Variants in CEP350 observed in about 807,000 individuals in gnomAD.
The protein encoded by CEP350 is centrosome-associated protein 350.
Under a neutral mutation model 331.8 loss-of-function variants are expected in CEP350, and 126 were observed. The observed-to-expected ratio is 0.38, with a 90% confidence interval of 0.33 to 0.44. The LOEUF is 0.44. Ranked by LOEUF, CEP350 falls within the 20% of genes least tolerant of loss-of-function variation. CEP350 has a pLI of 1.00. For synonymous variants in CEP350, 1,200 were observed against 1,259.5 expected, an observed-to-expected ratio of 0.95 and a Z score of 1.00; for missense variants, 3,406 against 3,634.6, an observed-to-expected ratio of 0.94 and a Z score of 1.62.
chr1:180,052,828 TTTA>T (rs1657598724), intron 22 of CEP350, 139 bp from the exon 23 acceptor site: 2 of 421,188 alleles, frequency 4.7e-6, no homozygotes, highest in Non-Finnish European at 8.4e-6. Context: ...ATGAATTTTG[TTTA>T]TTATTTCATG....
chr1:180,004,992 T>G (rs1654162109), intron 7 of CEP350, among the ~76,000 whole-genome samples: 1 of 149,392 alleles, frequency 6.7e-6, no homozygotes, highest in African/African-American at 2.5e-5. Flanking sequence ...TTTTTTTTTC[T>G]TAACCTTCTC....
At chr1:180,056,475 C>T (rs1368906078) in intron 25 of CEP350, among the ~76,000 whole-genome samples, 4 of 115,772 alleles carry the variant, frequency 3.5e-5, no homozygotes, top group Non-Finnish European at 7.2e-5. Context: ...TCCCCCCCCC[C>T]CTTTTTTTTT....
At chr1:180,072,231 T>C (rs1402413541) in intron 27 of CEP350, among the ~76,000 whole-genome samples, 1 of 152,256 alleles carries the variant, frequency 6.6e-6, no homozygotes, top group Non-Finnish European at 1.5e-5. Flanking sequence ...TTCTATTAGT[T>C]ATTTCGTTCC....
intron 25 of CEP350, among the ~76,000 whole-genome samples, chr1:180,056,464 C>CG: frequency 1.4e-5 from 1 of 73,884 alleles, no homozygotes; most frequent in Non-Finnish European, 2.4e-5. Context: ...GCTTCTGCCC[C>CG]TCCCCCCCCC....
intron 11 of CEP350, among the ~76,000 whole-genome samples, chr1:180,018,464 C>A (rs1260982129): frequency 1.3e-5 from 2 of 152,036 alleles, no homozygotes; most frequent in African/African-American, 4.8e-5. Context: ...TTATAACTTC[C>A]CTTGTATTCC....
intron 28 of CEP350, among the ~76,000 whole-genome samples, chr1:180,076,574 A>C (rs1193195850): frequency 6.6e-6 from 1 of 152,198 alleles, no homozygotes; most frequent in Non-Finnish European, 1.5e-5. Flanking sequence ...GGATCACTTG[A>C]ACCCAGGAGT....
intron 37 of CEP350, among the ~76,000 whole-genome samples, chr1:180,108,534 A>C (rs1661282935): frequency 6.6e-6 from 1 of 152,156 alleles, no homozygotes. Flanking sequence ...GGACTAAAAG[A>C]ACTGTTATAG....
At chr1:180,013,609 A>T (rs1220603037) in intron 9 of CEP350, among the ~76,000 whole-genome samples, 1 of 152,216 alleles carries the variant, frequency 6.6e-6, no homozygotes, top group African/African-American at 2.4e-5. Flanking sequence ...AAATATTTCA[A>T]ACTGTATTTA....
At position 179,983,396 on chromosome 1, in the gene CEP350, G is replaced by A. The variant is rs570057510; in HGVS notation, c.-13-2773G>A. On this transcript the variant is annotated intron_variant, in intron 1 of 37. Transcript: ENST00000367607. ...CTTACAGATGTGCGCCACCATGCCT[G>A]GCTAATTTTTGTATTTTTAGTAGAG... Among the ~76,000 whole-genome samples, 30 of 152,146 alleles carry A rather than the reference G, an allele frequency of 2.0e-4. No individual in the cohort carries two copies. The East Asian group carries it at 5.6e-3, about 29-fold the overall frequency.
In CEP350 at chr1:180,098,895, C is replaced by A; in HGVS notation, c.9099C>A (p.Phe3033Leu). The change falls in exon 37 of 38, where the codon TTC becomes TTA. Residue 3033 changes from phenylalanine (F) to leucine (L), a missense_variant. Transcript: ENST00000367607. ...SFIASEVLKL[F>L]SLKKEPNHKT... ...TAGCAAGTGAAGTACTCAAGTTGTT[C>A]AGTCTTAAAAAGGAGCCAAACCACA... 1.2e-6 allele frequency: 2 copies of A among 1,613,152 alleles called. No individual in the cohort carries two copies. The highest frequency in any genetic ancestry group is 1.7e-6 in the Non-Finnish European group (2 of 1,179,496).
chr1:179,979,441 A>G (rs1276741743), intron 1 of CEP350, among the ~76,000 whole-genome samples: 1 of 143,684 alleles, frequency 7.0e-6, no homozygotes, highest in Admixed American at 7.1e-5. Context: ...TGTTCTAGAT[A>G]TCAATTCCCT....
chr1:179,966,608 A>G (rs993803249), intron 1 of CEP350, among the ~76,000 whole-genome samples: 1 of 152,182 alleles, frequency 6.6e-6, no homozygotes, highest in East Asian at 1.9e-4. Context: ...ACAAAAATCT[A>G]TGCAAATTTC....
rs756202995 is a variant in CEP350, at chr1:180,093,073, A to C, written c.6968A>C (p.His2323Pro). ...GTTGGATTAGCTATTGAAAATCTCC[A>C]TAAAAGTGAGGAAATGTTGAAAGAG... ...DLVGLAIENLHKSEEMLKERQ... is the reference protein window; with the variant it reads ...DLVGLAIENLPKSEEMLKERQ... The change falls in exon 34 of 38, where the codon CAT becomes CCT. Residue 2323 changes from histidine to proline, a missense_variant. Physicochemically the swap from His to Pro is moderately conservative, Grantham distance 77. Coordinates refer to ENST00000367607, the MANE Select transcript of CEP350 (RefSeq NM_014810.5). 14 of 1,605,584 alleles carry C rather than the reference A, an allele frequency of 8.7e-6. No individual in the cohort carries two copies. The South Asian group carries it at 1.6e-4, about 18-fold the overall frequency.
At chr1:179,965,724 G>A (rs1050273779) in intron 1 of CEP350, among the ~76,000 whole-genome samples, 3 of 146,660 alleles carry the variant, frequency 2.0e-5, no homozygotes, top group South Asian at 2.2e-4. Flanking sequence ...GGGTTCAGGC[G>A]ATACTCCTGT....
chr1:180,079,154 A>G (rs999063136), intron 29 of CEP350, among the ~76,000 whole-genome samples: 2 of 151,596 alleles, frequency 1.3e-5, no homozygotes, highest in Non-Finnish European at 2.9e-5. Context: ...GATTTTCTAC[A>G]TTGTCCTTAA....
intron 14 of CEP350, among the ~76,000 whole-genome samples, chr1:180,025,494 A>G (rs760377632): frequency 1.3e-5 from 2 of 152,156 alleles, no homozygotes; most frequent in Admixed American, 1.3e-4. Context: ...AATTTGCTCT[A>G]TAGGCCTACG....
chr1:180,065,160 C>A lies in CEP350; in HGVS notation c.5455C>A (p.Pro1819Thr). The change falls in exon 27 of 38, where the codon CCT becomes ACT. Residue 1819 changes from proline (P) to threonine (T), a missense_variant. Pro to Thr is a conservative substitution (Grantham distance 38). Around this residue, in one of 5 missense-constraint regions of CEP350, gnomAD observed 1,415 missense variants for 1,512.3 expected, o/e 0.94. Coordinates refer to ENST00000367607, the MANE Select transcript of CEP350 (RefSeq NM_014810.5). ...TACAAAGGATAATAAGGCAACCAGTCCTGGTCCAACTGACTTGGAGACCCG... is the reference window on the plus strand; with the variant it reads ...TACAAAGGATAATAAGGCAACCAGTACTGGTCCAACTGACTTGGAGACCCG... The part of the protein sequence containing the change: ...DDTKDNKATS[P>T]GPTDLETRSP... The A allele has an allele frequency of 6.2e-7, 1 of 1,613,394 alleles. No individual in the cohort carries two copies. Among genetic ancestry groups the A allele is most frequent in the Non-Finnish European group, 8.5e-7 (1 of 1,179,650 alleles).
intron 1 of CEP350, among the ~76,000 whole-genome samples, chr1:179,981,267 CAAAT>C (rs1277276027): frequency 6.6e-6 from 1 of 152,098 alleles, no homozygotes; most frequent in Non-Finnish European, 1.5e-5. Context: ...AAATGTCCAA[CAAAT>C]AAATAAATCC....
At chr1:179,991,194 T>C (rs1339799165) in intron 4 of CEP350, among the ~76,000 whole-genome samples, 1 of 152,056 alleles carries the variant, frequency 6.6e-6, no homozygotes, top group Non-Finnish European at 1.5e-5. Flanking sequence ...AACGTATATT[T>C]TTCTTGGGAT....
Sources: allele counts gnomAD v4.1 joint callset (sites outside exome capture counted in the v4.1 genomes callset), GRCh38; gene constraint gnomAD v4.1.1; regional missense constraint gnomAD v4.1.1; transcripts MANE v1.5; gene names NCBI Gene and HGNC (gene_info 2026-07-23, HGNC 2026-07-21).